Variants in NPHP4 observed in about 807,000 individuals in gnomAD.
The protein encoded by NPHP4 is nephrocystin-4.
A neutral mutation model predicts 155.8 loss-of-function variants in NPHP4; 151 were observed. The observed-to-expected ratio is 0.97, with a 90% CI of 0.85 to 1.11. The LOEUF (loss-of-function observed/expected upper bound fraction) is 1.11. NPHP4 is among the 50% of genes least tolerant of loss of function. The pLI is 0.00. For synonymous variants in NPHP4, 845 were observed against 816.8 expected, an observed-to-expected ratio of 1.03 and a Z score of -0.59; for missense variants, 1,956 against 1,925.7, an observed-to-expected ratio of 1.02 and a Z score of -0.29.
At chr1:5,871,424 C>T (rs1641994051) in intron 23 of NPHP4, among the ~76,000 whole-genome samples, 1 of 152,172 alleles carries the variant, frequency 6.6e-6, no homozygotes, top group Non-Finnish European at 1.5e-5. Context: ...TGCTAGGACG[C>T]AGCTCATTTA....
chr1:5,986,166 C>T lies in NPHP4; in HGVS notation c.124G>A (p.Val42Ile). ...QCVLKWLDGP[V>I]IRQGVLEVLS... The stretch of plus-strand genomic sequence containing the variant: ...GCACATTTTGTTACCTGCCTAATTA[C>T]CGGTCCGTCCAGCCACTTGAGGACA... The change falls in exon 2 of 30, where the codon GTA becomes ATA. Residue 42 changes from valine (V) to isoleucine (I), a missense_variant. Coordinates refer to ENST00000378156, the MANE Select transcript of NPHP4 (RefSeq NM_015102.5). The T allele has an allele frequency of 6.2e-7, 1 of 1,613,872 alleles. No individual in the cohort carries two copies. The highest frequency in any genetic ancestry group is 1.1e-5 in the South Asian group (1 of 91,048).
intron 23 of NPHP4, among the ~76,000 whole-genome samples, chr1:5,869,216 TACACATCCACCCACATGCAC>T (rs1641722059): frequency 1.1e-5 from 1 of 93,232 alleles, no homozygotes; most frequent in South Asian, 3.9e-4. Flanking sequence ...CCCACATGCA[TACACATCCACCCACATGCAC>T]ACACACACAC....
intron 7 of NPHP4, among the ~76,000 whole-genome samples, chr1:5,951,937 G>C (rs1205218984): frequency 2.6e-5 from 4 of 152,204 alleles, no homozygotes; most frequent in African/African-American, 9.7e-5. Context: ...CTGCGTACTA[G>C]GCAGGCTGAG....
At chr1:5,916,624 T>C (rs1645487334) in intron 11 of NPHP4, among the ~76,000 whole-genome samples, 1 of 152,210 alleles carries the variant, frequency 6.6e-6, no homozygotes, top group Non-Finnish European at 1.5e-5. Context: ...GTCCTTCCAG[T>C]AACCAAGGCA....
rs191501767 is a variant in NPHP4 at position 5,929,777 on chromosome 1, T to C, written c.1303-1990A>G. Among the ~76,000 whole-genome samples, 48 of 152,272 alleles carry C rather than the reference T, an allele frequency of 3.2e-4. 1 individual carries two copies. Among genetic ancestry groups the C allele is most frequent in the Admixed American group, 2.9e-3 (45 of 15,294 alleles). On this transcript the variant is annotated intron_variant, in intron 10 of 29. Transcript: ENST00000378156. ...AGTTCTGTTTTCTTGTTATTATTAA[T>C]ATTATTTTTCTGGTTTTGATATCAG... is the stretch of plus-strand genomic sequence containing the variant.
At chr1:5,938,864 A>C (rs1439870670) in intron 9 of NPHP4, among the ~76,000 whole-genome samples, 1 of 152,252 alleles carries the variant, frequency 6.6e-6, no homozygotes, top group Non-Finnish European at 1.5e-5. Context: ...TCATCAAACG[A>C]ATCTTCGGCC....
At chr1:5,880,270 G>A (rs745589560) in intron 18 of NPHP4, 31 bp from the exon 19 acceptor site, 2 of 1,610,478 alleles carry the variant, frequency 1.2e-6, no homozygotes, top group East Asian at 4.5e-5. Context: ...CATAAGACAT[G>A]AACCCCAAAT....
At chr1:5,893,860 G>A (rs1435383207) in intron 16 of NPHP4, among the ~76,000 whole-genome samples, 1 of 152,196 alleles carries the variant, frequency 6.6e-6, no homozygotes, top group Non-Finnish European at 1.5e-5. Flanking sequence ...CTAGATCAAG[G>A]AGCCCTCTGG....
At chr1:5,911,013 G>C (rs534606380) in intron 11 of NPHP4, among the ~76,000 whole-genome samples, 2 of 152,384 alleles carry the variant, frequency 1.3e-5, no homozygotes, top group South Asian at 4.1e-4. Context: ...ACCAGCCACA[G>C]TAACGTGGCT....
intron 1 of NPHP4, among the ~76,000 whole-genome samples, chr1:5,989,579 C>T (rs1332674657): frequency 1.3e-5 from 2 of 152,246 alleles, no homozygotes; most frequent in African/African-American, 4.8e-5. Flanking sequence ...GGTCACGGAA[C>T]CAAACAGAAG....
At chr1:5,979,707 G>GATCCTCTAC in intron 2 of NPHP4, among the ~76,000 whole-genome samples, 1 of 152,098 alleles carries the variant, frequency 6.6e-6, no homozygotes, top group East Asian at 1.9e-4. Context: ...ACTTTTTGTA[G>GATCCTCTAC]AGAGTGGGTT....
rs1474379539 is a variant in NPHP4, at chr1:5,952,857, A to G, written c.674-21T>C. The G allele has an allele frequency of 1.9e-6, 3 of 1,587,488 alleles. No homozygotes were observed. In the African/African-American group the frequency reaches 4.0e-5, roughly 21 times the overall value. ...GTCGCCTGAAACAGTGAGGGTGCGA[A>G]AAGGGTCATCCTTGGGAATAAAACA... is the stretch of plus-strand genomic sequence containing the variant. On this transcript the variant is annotated intron_variant, in intron 6 of 29. Transcript: ENST00000378156.
intron 19 of NPHP4, chr1:5,879,771 T>C: frequency 5.3e-6 from 2 of 375,210 alleles, no homozygotes; most frequent in Non-Finnish European, 1.0e-5. Context: ...GCACCACGAA[T>C]GGTGCGCACA....
chr1:5,878,924 C>T (rs113277240), intron 19 of NPHP4, among the ~76,000 whole-genome samples: 4 of 152,360 alleles, frequency 2.6e-5, no homozygotes, highest in African/African-American at 9.6e-5. Flanking sequence ...GATTCTAAGC[C>T]AAGTTCACCC....
At chr1:5,878,558 G>A (rs1018900951) in intron 19 of NPHP4, among the ~76,000 whole-genome samples, 2 of 152,224 alleles carry the variant, frequency 1.3e-5, no homozygotes, top group African/African-American at 2.4e-5. Context: ...GGTAAGGCAC[G>A]AAGCACTGAG....
intron 1 of NPHP4, among the ~76,000 whole-genome samples, chr1:5,989,956 T>A (rs1297062643): frequency 6.6e-6 from 1 of 152,230 alleles, no homozygotes; most frequent in East Asian, 1.9e-4. Flanking sequence ...ACGGAAGTCC[T>A]GAGGCTCGGG....
intron 23 of NPHP4, among the ~76,000 whole-genome samples, chr1:5,870,712 G>A (rs1011222446): frequency 1.4e-4 from 21 of 152,234 alleles, no homozygotes; most frequent in Admixed American, 6.5e-4. Context: ...GCAACACGGT[G>A]TCCCTCACAG....
At chr1:5,987,527 G>A (rs1051414700) in intron 1 of NPHP4, among the ~76,000 whole-genome samples, 1 of 152,088 alleles carries the variant, frequency 6.6e-6, no homozygotes, top group Non-Finnish European at 1.5e-5. Context: ...GGCTGGTTGG[G>A]TTGAGTGAGG....
intron 3 of NPHP4, among the ~76,000 whole-genome samples, chr1:5,973,210 C>T (rs972223790): frequency 6.6e-6 from 1 of 152,212 alleles, no homozygotes; most frequent in Non-Finnish European, 1.5e-5. Context: ...TTATCCCTCA[C>T]CCTCTAGGAT....
Sources: gnomAD v4.1 joint callset for allele counts (sites outside exome capture counted in the v4.1 genomes callset) on GRCh38, gnomAD v4.1.1 for gene constraint, MANE v1.5 for transcripts, NCBI Gene and HGNC (gene_info 2026-07-23, HGNC 2026-07-21) for gene names.